The following AP2B1 variants were observed in gnomAD, a reference collection of about 807,000 sequenced individuals.
AP2B1 encodes the protein adaptor related protein complex 2 subunit beta 1.
AP2B1 carries 23 observed loss-of-function variants against 102.0 expected under a neutral mutation model. The observed-to-expected ratio is 0.23, with a 90% CI of 0.16 to 0.32. AP2B1 has a LOEUF of 0.32. Ranked by LOEUF, AP2B1 falls within the 10% of genes least tolerant of loss-of-function variation. AP2B1 has a pLI of 1.00. For synonymous variants in AP2B1, 381 were observed against 421.2 expected (o/e 0.90, Z 1.17); for missense variants, 541 against 1,157.4 (o/e 0.47, Z 7.73).
At chr17:35,627,856 A>G (rs1238301786) in intron 9 of AP2B1, 130 bp downstream of exon 9, 6 of 727,160 alleles carry the variant, frequency 8.3e-6, no homozygotes, top group African/African-American at 3.6e-5. Flanking sequence ...AGAATTTTTA[A>G]TGGAAAGCAG....
intron 18 of AP2B1, among the ~76,000 whole-genome samples, chr17:35,697,547 C>G (rs920414825): frequency 2.0e-5 from 3 of 152,154 alleles, no homozygotes; most frequent in Non-Finnish European, 4.4e-5. Flanking sequence ...CAGGGAAAAC[C>G]GAAATCATTT....
intron 20 of AP2B1, among the ~76,000 whole-genome samples, chr17:35,711,886 A>G (rs1038751330): frequency 6.6e-5 from 10 of 152,160 alleles, no homozygotes; most frequent in Non-Finnish European, 8.8e-5. Context: ...ATCCTGTGAT[A>G]CCTCTTTTAA....
intron 5 of AP2B1, among the ~76,000 whole-genome samples, chr17:35,614,654 G>GT (rs1290784782): frequency 2.3e-3 from 47 of 20,110 alleles, no homozygotes; most frequent in African/African-American, 7.4e-3. Flanking sequence ...TGTTGAATTA[G>GT]TAAAAAAAAA....
intron 14 of AP2B1, among the ~76,000 whole-genome samples, chr17:35,658,447 G>A (rs1036556137): frequency 1.3e-5 from 2 of 151,720 alleles, no homozygotes; most frequent in Non-Finnish European, 2.9e-5. Context: ...GAATACCTGC[G>A]AACATTTGCC....
intron 18 of AP2B1, among the ~76,000 whole-genome samples, chr17:35,694,370 A>G (rs891640288): frequency 1.3e-5 from 2 of 149,552 alleles, no homozygotes; most frequent in South Asian, 2.1e-4. Flanking sequence ...TAGCCTCCCA[A>G]GTAGCTGGGA....
At chr17:35,713,231 G>C (rs1450499574) in intron 20 of AP2B1, among the ~76,000 whole-genome samples, 1 of 152,212 alleles carries the variant, frequency 6.6e-6, no homozygotes, top group Non-Finnish European at 1.5e-5. Flanking sequence ...GCTCCATGCT[G>C]TAGGTGCTCC....
intron 5 of AP2B1, among the ~76,000 whole-genome samples, chr17:35,610,760 A>G (rs955012689): frequency 6.6e-6 from 1 of 151,994 alleles, no homozygotes; most frequent in Admixed American, 6.6e-5. Flanking sequence ...ACAAAAAATT[A>G]GCCGGGCGTG....
chr17:35,603,400 A>G (rs1312128120), intron 3 of AP2B1, among the ~76,000 whole-genome samples: 4 of 152,228 alleles, frequency 2.6e-5, no homozygotes, highest in Non-Finnish European at 5.9e-5. Context: ...GAATCTGACA[A>G]GCTCAACCCT....
chr17:35,665,559 C>A (rs2075448014), intron 14 of AP2B1, among the ~76,000 whole-genome samples: 1 of 152,048 alleles, frequency 6.6e-6, no homozygotes, highest in Admixed American at 6.5e-5. Context: ...GTTTTGATAC[C>A]AATAGGATTT....
intron 13 of AP2B1, among the ~76,000 whole-genome samples, chr17:35,653,890 TCTTA>T (rs1334509438): frequency 2.0e-5 from 3 of 152,180 alleles, no homozygotes; most frequent in Non-Finnish European, 2.9e-5. Flanking sequence ...TACTTGTTTT[TCTTA>T]CTTATCTTAA....
rs965622819 is a variant in AP2B1, at chr17:35,606,832, C to A, written c.279+992C>A. ...TCTTTAAAAATGGACAAAATATTTT[C>A]TTATTATTGAATATCCAGTCAAATC... On this transcript the variant is annotated intron_variant, in intron 4 of 21. Coordinates refer to ENST00000610402, the MANE Select transcript of AP2B1 (RefSeq NM_001030006.2). Among the ~76,000 whole-genome samples, 25 of 151,802 alleles carry A rather than the reference C, an allele frequency of 1.6e-4. 1 individual carries two copies. The highest frequency in any genetic ancestry group is 4.4e-5 in the Non-Finnish European group (3 of 67,984).
In AP2B1 at chr17:35,724,471, T is replaced by G. The variant is rs1035948785; in HGVS notation, c.*772T>G. ...TGACAGAAGTTATACCTTACTCCTT[T>G]CCTTTCCCCTGAACAAACCTGCTAA... On this transcript the variant is annotated 3_prime_UTR_variant, in exon 22 of 22. Transcript: ENST00000610402. 1.3e-5 allele frequency: 2 copies of G among 152,172 alleles called. No individual in the cohort carries two copies. The highest frequency in any genetic ancestry group is 2.9e-5 in the Non-Finnish European group (2 of 68,024). The allele number at this position is 152,172 out of a possible 1,614,324, so 9.4% of individuals were successfully genotyped here.
At chr17:35,605,866 CAG>C in intron 4 of AP2B1, 26 bp downstream of exon 4, 1 of 1,601,472 alleles carries the variant, frequency 6.2e-7, no homozygotes, top group Non-Finnish European at 8.5e-7. Context: ...GCCTCAATAA[CAG>C]AGTTTGAATT....
chr17:35,617,411 T>C (rs532862741), intron 5 of AP2B1, among the ~76,000 whole-genome samples: 2 of 152,294 alleles, frequency 1.3e-5, no homozygotes, highest in Admixed American at 1.3e-4. Context: ...TATTAATAAT[T>C]TTAGAAGGGT....
intron 5 of AP2B1, among the ~76,000 whole-genome samples, chr17:35,616,035 T>C (rs1253162416): frequency 6.6e-6 from 1 of 152,212 alleles, no homozygotes; most frequent in African/African-American, 2.4e-5. Flanking sequence ...ACTTTTTGTT[T>C]TCCTTTTATA....
intron 18 of AP2B1, among the ~76,000 whole-genome samples, chr17:35,707,712 CA>C (rs2076373300): frequency 6.6e-6 from 1 of 152,190 alleles, no homozygotes; most frequent in Admixed American, 6.5e-5. Flanking sequence ...CTCATCCTCC[CA>C]AAGTGCTGGG....
intron 3 of AP2B1, among the ~76,000 whole-genome samples, chr17:35,599,585 T>C (rs1209126467): frequency 6.6e-6 from 1 of 152,198 alleles, no homozygotes; most frequent in Non-Finnish European, 1.5e-5. Context: ...CACAAAATTA[T>C]GCATGGATAA....
Position 35,605,714 on chromosome 17 carries a change from T to C in AP2B1, c.153T>C (p.Phe51=). The change falls in exon 4 of 22, where the codon TTT becomes TTC. Residue 51 remains phenylalanine (F), a synonymous_variant. Coordinates refer to ENST00000610402, the MANE Select transcript of AP2B1 (RefSeq NM_001030006.2). ...TACCCTCTCTTCTCAGTTCTCTCTTTCCAGACGTAGTGAACTGTATGCAGA... is the reference window on the plus strand; with the variant it reads ...TACCCTCTCTTCTCAGTTCTCTCTTCCCAGACGTAGTGAACTGTATGCAGA... ...MTVGKDVSSL[F]PDVVNCMQTD... 1 of 1,610,674 alleles carries C rather than the reference T, an allele frequency of 6.2e-7. No individual in the cohort carries two copies. The highest frequency in any genetic ancestry group is 1.1e-5 in the South Asian group (1 of 90,366).
intron 5 of AP2B1, among the ~76,000 whole-genome samples, chr17:35,614,725 A>T (rs16971207): frequency 0.075 from 11,340 of 151,696 alleles, 768 homozygotes; most frequent in African/African-American, 0.18. Context: ...GCATGCTCTC[A>T]GAATAGCCTC....
Sources: allele counts gnomAD v4.1 joint callset (sites outside exome capture counted in the v4.1 genomes callset), GRCh38; gene constraint gnomAD v4.1.1; transcripts MANE v1.5; gene names NCBI Gene and HGNC (gene_info 2026-07-23, HGNC 2026-07-21).